Variants in TRIM2 observed in about 807,000 individuals in gnomAD.
TRIM2 encodes the protein tripartite motif-containing protein 2.
TRIM2 carries 20 observed loss-of-function variants against 75.2 expected under a neutral mutation model. The observed-to-expected ratio is 0.27, with a 90% confidence interval of 0.19 to 0.39. TRIM2 has a LOEUF of 0.39. TRIM2 is among the 10% of genes least tolerant of loss of function. TRIM2 has a pLI of 1.00. For missense variants in TRIM2, 660 were observed against 990.8 expected (o/e 0.67, Z 4.48); for synonymous variants, 373 against 388.3 (o/e 0.96, Z 0.46).
chr4:153,266,697 G>A (rs1015417408), intron 1 of TRIM2, among the ~76,000 whole-genome samples: 1 of 150,064 alleles, frequency 6.7e-6, no homozygotes, highest in Non-Finnish European at 1.5e-5. Flanking sequence ...TGTTGCCCAG[G>A]CTGATCTTGA....
chr4:153,237,567 C>T (rs1302349586), intron 1 of TRIM2, among the ~76,000 whole-genome samples: 1 of 152,080 alleles, frequency 6.6e-6, no homozygotes, highest in East Asian at 1.9e-4. Flanking sequence ...GTAATCCCAA[C>T]TACTCAGGAG....
chr4:153,307,679 T>A, intron 6 of TRIM2: 1 of 497,168 alleles, frequency 2.0e-6, no homozygotes, highest in Non-Finnish European at 3.8e-6. Context: ...CCACAGGGAC[T>A]GCTAGTCACA....
intron 3 of TRIM2, among the ~76,000 whole-genome samples, chr4:153,292,203 GCTA>G (rs1761963683): frequency 6.6e-6 from 1 of 152,188 alleles, no homozygotes; most frequent in Admixed American, 6.5e-5. Context: ...TGTGATGTAT[GCTA>G]TCACAATGGA....
At chr4:153,324,201 T>G in intron 10 of TRIM2, 53 bp downstream of exon 10, 1 of 1,516,956 alleles carries the variant, frequency 6.6e-7, no homozygotes, top group Non-Finnish European at 9.1e-7. Context: ...TATGGAGAAA[T>G]TGGTCTGCGA....
chr4:153,198,287 G>T (rs1012036656), intron 1 of TRIM2, among the ~76,000 whole-genome samples: 1 of 152,154 alleles, frequency 6.6e-6, no homozygotes, highest in African/African-American at 2.4e-5. Context: ...ATTCCCGCAT[G>T]TTGTGGGAGG....
intron 1 of TRIM2, among the ~76,000 whole-genome samples, chr4:153,158,935 T>G (rs1729484018): frequency 6.6e-6 from 1 of 152,216 alleles, no homozygotes; most frequent in Non-Finnish European, 1.5e-5. Context: ...GCTTTCTTCT[T>G]GGAGACCGGT....
chr4:153,154,290 A>C (rs944958240), intron 1 of TRIM2, among the ~76,000 whole-genome samples: 1 of 152,160 alleles, frequency 6.6e-6, no homozygotes, highest in African/African-American at 2.4e-5. Context: ...TCTGAGGCTC[A>C]GGTTTCTTGA....
intron 3 of TRIM2, among the ~76,000 whole-genome samples, chr4:153,282,166 A>C: frequency 6.6e-6 from 1 of 152,230 alleles, no homozygotes; most frequent in East Asian, 1.9e-4. Context: ...CACCAGCATC[A>C]TCTCACTGGA....
intron 6 of TRIM2, 40 bp downstream of exon 6, chr4:153,296,076 C>G: frequency 6.6e-7 from 1 of 1,510,092 alleles, no homozygotes; most frequent in South Asian, 1.4e-5. Flanking sequence ...TGAGCTGGCA[C>G]TGGTTAAGGG....
intron 6 of TRIM2, chr4:153,308,336 A>G: frequency 7.8e-7 from 1 of 1,286,584 alleles, no homozygotes; most frequent in Non-Finnish European, 1.1e-6. Context: ...AGACTCTGTT[A>G]ATTTCCTGCA....
chr4:153,328,429 C>T (rs1374553946), intron 10 of TRIM2, 101 bp from the exon 11 acceptor site: 1 of 1,083,028 alleles, frequency 9.2e-7, no homozygotes, highest in Non-Finnish European at 1.3e-6. Flanking sequence ...AATGATAAGT[C>T]TTGTTATAAA....
intron 1 of TRIM2, among the ~76,000 whole-genome samples, chr4:153,230,091 C>T: frequency 6.6e-6 from 1 of 152,236 alleles, no homozygotes; most frequent in African/African-American, 2.4e-5. Flanking sequence ...ATCTGTCTTT[C>T]AGTCTCTAGG....
intron 1 of TRIM2, among the ~76,000 whole-genome samples, chr4:153,244,354 CCTCTTCTTCTTCTTCT>C: frequency 3.9e-5 from 1 of 25,650 alleles, no homozygotes; most frequent in Non-Finnish European, 6.2e-5. Flanking sequence ...TCTTCTTCTT[CCTCTTCTTCTTCTTCT>C]TCTTCTTCTT....
At chr4:153,216,112 G>A (rs1738411903) in intron 1 of TRIM2, among the ~76,000 whole-genome samples, 1 of 152,150 alleles carries the variant, frequency 6.6e-6, no homozygotes, top group Admixed American at 6.5e-5. Flanking sequence ...TTCTCTTTCT[G>A]TCTTGGCTTT....
intron 3 of TRIM2, among the ~76,000 whole-genome samples, chr4:153,279,060 T>A (rs1225599572): frequency 6.6e-6 from 1 of 152,174 alleles, no homozygotes; most frequent in Non-Finnish European, 1.5e-5. Context: ...AGGAGATAGG[T>A]ATTTTATTGA....
intron 1 of TRIM2, among the ~76,000 whole-genome samples, chr4:153,235,701 T>G (rs1353076314): frequency 2.0e-5 from 3 of 152,230 alleles, no homozygotes; most frequent in Non-Finnish European, 4.4e-5. Context: ...AATTCACCTC[T>G]TTCTAGAGCT....
intron 1 of TRIM2, among the ~76,000 whole-genome samples, chr4:153,185,652 C>A (rs1317198547): frequency 6.6e-6 from 1 of 152,152 alleles, no homozygotes; most frequent in Non-Finnish European, 1.5e-5. Flanking sequence ...TGAGTTTCTG[C>A]TTTGTCCCTC....
At chr4:153,278,159 G>A (rs1446226944) in intron 3 of TRIM2, among the ~76,000 whole-genome samples, 10 of 152,164 alleles carry the variant, frequency 6.6e-5, no homozygotes, top group Non-Finnish European at 1.5e-5. Context: ...AGGCTGGAGT[G>A]CAGTGGCACG....
intron 1 of TRIM2, among the ~76,000 whole-genome samples, chr4:153,247,414 G>C (rs770496670): frequency 1.3e-5 from 2 of 152,172 alleles, no homozygotes; most frequent in Non-Finnish European, 2.9e-5. Flanking sequence ...GGTCACTCAC[G>C]CCTGTAGTCC....
Sources: allele counts gnomAD v4.1 joint callset (sites outside exome capture counted in the v4.1 genomes callset), GRCh38; gene constraint gnomAD v4.1.1; transcripts MANE v1.5; gene names NCBI Gene and HGNC (gene_info 2026-07-23, HGNC 2026-07-21).